NSUN6: variants seen among roughly 807,000 people sequenced by gnomAD.
NSUN6 encodes the protein NOP2/Sun RNA methyltransferase 6, also known as tRNA (cytosine(72)-C(5))-methyltransferase NSUN6.
Under a neutral mutation model 58.0 loss-of-function variants are expected in NSUN6, and 64 were observed. That is an observed-to-expected ratio of 1.10 (90% CI 0.90 to 1.36). The LOEUF (loss-of-function observed/expected upper bound fraction) is 1.36. Ranked by LOEUF, NSUN6 falls within the 40% of genes most tolerant of loss-of-function variation. NSUN6 has a pLI of 0.00. For synonymous variants in NSUN6, 231 were observed against 193.9 expected (o/e 1.19, Z -1.59); for missense variants, 701 against 550.1 (o/e 1.27, Z -2.74).
chr10:18,620,371 G>A (rs2058562934), intron 3 of NSUN6, among the ~76,000 whole-genome samples: 1 of 152,112 alleles, frequency 6.6e-6, no homozygotes, highest in African/African-American at 2.4e-5. Flanking sequence ...ACAGGCATGA[G>A]CCACTGCGCC....
At chr10:18,656,638 A>G (rs2059780493), upstream of NSUN6, among the ~76,000 whole-genome samples, 1 of 152,186 alleles carries the variant, frequency 6.6e-6, no homozygotes, top group African/African-American at 2.4e-5. Flanking sequence ...GTTAGTTTGT[A>G]ATAGTTCCTT....
In NSUN6 at chr10:18,616,267, T is replaced by C. The variant is rs2058406520; in HGVS notation, c.338A>G (p.Glu113Gly). The stretch of plus-strand genomic sequence containing the variant: ...GCCACACTGGGCTCCAACAATGGCT[T>C]CACACTGTTGTTTTTTAATATTCTT... ...PRKNIKKQQC[E>G]AIVGAQCGNA... Residue 113 changes from glutamate to glycine, a missense_variant, in exon 4 of 11, where the codon GAA becomes GGA. Coordinates refer to ENST00000377304, the MANE Select transcript of NSUN6 (RefSeq NM_182543.5). 2.5e-6 allele frequency: 4 copies of C among 1,608,986 alleles called. No homozygotes were observed. Among genetic ancestry groups the C allele is most frequent in the Middle Eastern group, 1.6e-4 (1 of 6,070 alleles).
At position 18,545,727 on chromosome 10, in the gene NSUN6, AAT is replaced by A. The variant is rs1491289838; in HGVS notation, c.*204_*205del. On this transcript the variant is annotated 3_prime_UTR_variant, in exon 11 of 11. Transcript: ENST00000377304. ...CTCTACTAAATACATAAAAAAAAAA[AAT>A]CTTTTAAAAACAGAAAATATAATCT... 448 of 486,596 alleles carry A rather than the reference AAT, an allele frequency of 9.2e-4. 3 individuals carry two copies. Among genetic ancestry groups the A allele is most frequent in the East Asian group, 2.6e-3 (69 of 26,442 alleles). The allele number at this position is 486,596 out of a possible 1,614,324, so 30.1% of individuals were successfully genotyped here.
At position 18,586,101 on chromosome 10, in the gene NSUN6, G is replaced by T; in HGVS notation, c.778-8C>A. ...CAGTGCTATAACTTCTCCCTAAAAAGAAACAAAACACACACATGCAGAAAA... is the reference window on the plus strand; with the variant it reads ...CAGTGCTATAACTTCTCCCTAAAAATAAACAAAACACACACATGCAGAAAA... On this transcript the variant is annotated splice_polypyrimidine_tract_variant and splice_region_variant and intron_variant, in intron 7 of 10. Transcript: ENST00000377304. 1 of 1,438,476 alleles carries T rather than the reference G, an allele frequency of 7.0e-7. No homozygotes were observed. The highest frequency in any genetic ancestry group is 1.5e-5 in the African/African-American group (1 of 65,054). 89.1% of individuals were successfully genotyped at this position (1,438,476 alleles called of 1,614,324 possible). A position where few individuals can be genotyped will look rare whatever the true frequency, so the allele number is the denominator to read the frequency against.
At chr10:18,600,993 T>TATACATATATATATATG (rs1554870074) in intron 6 of NSUN6, among the ~76,000 whole-genome samples, 3 of 126,402 alleles carry the variant, frequency 2.4e-5, no homozygotes, top group Non-Finnish European at 3.3e-5. Context: ...TATATATATA[T>TATACATATATATATATG]TATATACTAG....
chr10:18,545,740 C>A lies in NSUN6; in HGVS notation c.*193G>T. 1.2e-5 allele frequency: 6 copies of A among 502,382 alleles called. No individual in the cohort carries two copies. The highest frequency in any genetic ancestry group is 1.7e-5 in the Non-Finnish European group (5 of 290,764). 31.1% of individuals were successfully genotyped at this position (502,382 alleles called of 1,614,324 possible). A position where few individuals can be genotyped will look rare whatever the true frequency, so the allele number is the denominator to read the frequency against. ...ATAAAAAAAAAAAATCTTTTAAAAA[C>A]AGAAAATATAATCTCATACCACCCC... On this transcript the variant is annotated 3_prime_UTR_variant, in exon 11 of 11. Transcript: ENST00000377304.
At chr10:18,646,536 AT>A (rs1165067855) in intron 2 of NSUN6, among the ~76,000 whole-genome samples, 1 of 111,652 alleles carries the variant, frequency 9.0e-6, no homozygotes, top group East Asian at 7.2e-4. Context: ...TCTGGAAATC[AT>A]TTGTTGTGGA....
intron 6 of NSUN6, among the ~76,000 whole-genome samples, chr10:18,600,347 G>A (rs917152384): frequency 3.1e-4 from 47 of 152,156 alleles, no homozygotes; most frequent in African/African-American, 1.0e-3. Context: ...AAAAGAGGCC[G>A]GTTGTGGTGG....
intron 1 of NSUN6, among the ~76,000 whole-genome samples, chr10:18,650,916 C>G (rs765908937): frequency 3.9e-5 from 6 of 152,272 alleles, no homozygotes; most frequent in East Asian, 1.9e-4. Context: ...CCCTTCTTTT[C>G]CACTCCTAAA....
rs191454168 is a variant in NSUN6 at position 18,650,520 on chromosome 10, G to T, written c.75+609C>A. Among the ~76,000 whole-genome samples, 130 of 152,252 alleles carry T rather than the reference G, an allele frequency of 8.5e-4. 1 individual carries two copies. The highest frequency in any genetic ancestry group is 1.7e-3 in the Non-Finnish European group (117 of 68,020). On this transcript the variant is annotated intron_variant, in intron 1 of 10. Coordinates refer to ENST00000377304, the MANE Select transcript of NSUN6 (RefSeq NM_182543.5). ...TAGGTTAAGCCACGTAATTTACAAA[G>T]CACTAGAATGCAAATCATGTGCCTG...
upstream of NSUN6, among the ~76,000 whole-genome samples, chr10:18,655,879 G>A (rs1211550575): frequency 6.6e-6 from 1 of 152,112 alleles, no homozygotes; most frequent in Non-Finnish European, 1.5e-5. Flanking sequence ...GTGACATTGA[G>A]CCCTAAACTA....
chr10:18,628,657 G>A (rs1304286183), intron 3 of NSUN6, among the ~76,000 whole-genome samples: 2 of 152,170 alleles, frequency 1.3e-5, no homozygotes, highest in Admixed American at 1.3e-4. Flanking sequence ...GGGTATCAGC[G>A]ATGGAAGATG....
chr10:18,550,017 T>C (rs1321846986), intron 9 of NSUN6, among the ~76,000 whole-genome samples: 1 of 152,224 alleles, frequency 6.6e-6, no homozygotes, highest in South Asian at 2.1e-4. Context: ...GAGCCATGGC[T>C]CAAGTCAACA....
upstream of NSUN6, among the ~76,000 whole-genome samples, chr10:18,656,547 T>G (rs996931781): frequency 6.6e-6 from 1 of 152,070 alleles, no homozygotes; most frequent in African/African-American, 2.4e-5. Flanking sequence ...AAAAAAGCAA[T>G]GGACAAATTG....
chr10:18,597,254 A>T (rs2057625191), intron 6 of NSUN6, among the ~76,000 whole-genome samples: 1 of 152,202 alleles, frequency 6.6e-6, no homozygotes, highest in Non-Finnish European at 1.5e-5. Context: ...AAACAGATAG[A>T]ACAGTATCAT....
intron 5 of NSUN6, among the ~76,000 whole-genome samples, chr10:18,610,208 G>A (rs1368812793): frequency 1.3e-5 from 2 of 151,962 alleles, no homozygotes; most frequent in Admixed American, 6.6e-5. Flanking sequence ...GTGGTGACAG[G>A]TGACAGGTGA....
At chr10:18,658,526 A>G (rs1291573587), upstream of NSUN6, 1 of 203,800 alleles carries the variant, frequency 4.9e-6, no homozygotes, top group Non-Finnish European at 8.7e-6. Flanking sequence ...ATTGAAAACA[A>G]TTACACAGCG....
At chr10:18,628,066 C>T (rs552227675) in intron 3 of NSUN6, among the ~76,000 whole-genome samples, 183 of 152,286 alleles carry the variant, frequency 1.2e-3, no homozygotes, top group African/African-American at 4.0e-3. Context: ...GATCTGAGAA[C>T]GGGCAGACTG....
At chr10:18,559,602 A>G (rs1398228932) in intron 8 of NSUN6, among the ~76,000 whole-genome samples, 1 of 151,482 alleles carries the variant, frequency 6.6e-6, no homozygotes, top group Non-Finnish European at 1.5e-5. Flanking sequence ...GGAATGGAGA[A>G]TGGAATGGAA....
Sources: allele counts gnomAD v4.1 joint callset (sites outside exome capture counted in the v4.1 genomes callset), GRCh38; gene constraint gnomAD v4.1.1; transcripts MANE v1.5; gene names NCBI Gene and HGNC (gene_info 2026-07-23, HGNC 2026-07-21).